ROBO1: variants seen among roughly 807,000 people sequenced by gnomAD.
ROBO1 encodes roundabout guidance receptor 1, also known as roundabout homolog 1.
A neutral mutation model predicts 195.9 loss-of-function variants in ROBO1; 149 were observed. The observed-to-expected ratio is 0.76, with a 90% CI of 0.67 to 0.87. ROBO1 has a LOEUF of 0.87. Ranked by LOEUF, ROBO1 falls within the 40% of genes least tolerant of loss-of-function variation. The probability of loss-of-function intolerance (pLI) is 0.00; values close to 1 mark genes in which losing one functional copy is unlikely to be tolerated. For synonymous variants in ROBO1, 816 were observed against 733.2 expected (o/e 1.11, Z -1.82); for missense variants, 1,933 against 2,068.3 (o/e 0.93, Z 1.27).
intron 3 of ROBO1, among the ~76,000 whole-genome samples, chr3:78,948,001 T>A (rs1379510143): frequency 6.6e-6 from 1 of 152,066 alleles, no homozygotes; most frequent in South Asian, 2.1e-4. Flanking sequence ...AATAGACCAA[T>A]AACAGGCTCT....
intron 10 of ROBO1, among the ~76,000 whole-genome samples, chr3:78,681,596 C>G (rs186149646): frequency 2.0e-5 from 3 of 152,124 alleles, no homozygotes; most frequent in Non-Finnish European, 4.4e-5. Context: ...GTGGAAACAA[C>G]GTGCAGAAGA....
intron 3 of ROBO1, among the ~76,000 whole-genome samples, chr3:79,099,315 C>G (rs2079631181): frequency 6.6e-6 from 1 of 151,530 alleles, no homozygotes. Flanking sequence ...CTTAACTATC[C>G]CAGAGGTGCA....
intron 1 of ROBO1, among the ~76,000 whole-genome samples, chr3:79,653,971 A>G (rs2106768588): frequency 6.6e-6 from 1 of 152,148 alleles, no homozygotes; most frequent in South Asian, 2.1e-4. Flanking sequence ...AAAAAATACA[A>G]AGCCTCTCTG....
chr3:78,958,645 A>T (rs2041167587), intron 3 of ROBO1, among the ~76,000 whole-genome samples: 1 of 152,104 alleles, frequency 6.6e-6, no homozygotes, highest in Non-Finnish European at 1.5e-5. Flanking sequence ...TTTATCGATG[A>T]CTTAGTAAGA....
At chr3:79,213,317 T>C (rs982056736) in intron 2 of ROBO1, among the ~76,000 whole-genome samples, 4 of 152,158 alleles carry the variant, frequency 2.6e-5, no homozygotes, top group Non-Finnish European at 4.4e-5. Context: ...CATATCCACA[T>C]ATTATTTTAT....
intron 2 of ROBO1, among the ~76,000 whole-genome samples, chr3:79,236,534 C>CT (rs2082410060): frequency 6.6e-6 from 1 of 152,032 alleles, no homozygotes; most frequent in Non-Finnish European, 1.5e-5. Context: ...AACTTAAAGT[C>CT]TTTTTGTACA....
intron 2 of ROBO1, among the ~76,000 whole-genome samples, chr3:79,483,825 G>A (rs1938998486): frequency 6.6e-6 from 1 of 152,066 alleles, no homozygotes; most frequent in Non-Finnish European, 1.5e-5. Context: ...GGGGTTGGGG[G>A]TGGGGGAACC....
chr3:79,311,958 AG>A (rs927746754), intron 2 of ROBO1, among the ~76,000 whole-genome samples: 3 of 152,234 alleles, frequency 2.0e-5, no homozygotes, highest in African/African-American at 7.2e-5. Flanking sequence ...CCTTCACTCC[AG>A]ATCCATGTAT....
At chr3:79,426,189 C>T (rs541425830) in intron 2 of ROBO1, among the ~76,000 whole-genome samples, 12 of 152,000 alleles carry the variant, frequency 7.9e-5, no homozygotes, top group Admixed American at 4.6e-4. Context: ...TGCATCAACA[C>T]CTGATAAAAA....
At chr3:79,390,193 C>A (rs183832167) in intron 2 of ROBO1, among the ~76,000 whole-genome samples, 8 of 151,956 alleles carry the variant, frequency 5.3e-5, no homozygotes, top group Admixed American at 5.2e-4. Flanking sequence ...TGAGAAGGAG[C>A]AGTGGGAAAA....
intron 1 of ROBO1, among the ~76,000 whole-genome samples, chr3:79,713,086 T>G (rs983463709): frequency 6.8e-6 from 1 of 147,930 alleles, no homozygotes; most frequent in Non-Finnish European, 1.5e-5. Context: ...ACCCCCCACT[T>G]GAGTATTTTA....
At chr3:78,808,706 A>C (rs2084628539) in intron 4 of ROBO1, among the ~76,000 whole-genome samples, 1 of 152,200 alleles carries the variant, frequency 6.6e-6, no homozygotes, top group African/African-American at 2.4e-5. Flanking sequence ...ATCTACAACC[A>C]TCTAATCTTT....
chr3:79,384,802 G>T (rs2036683506), intron 2 of ROBO1, among the ~76,000 whole-genome samples: 1 of 151,952 alleles, frequency 6.6e-6, no homozygotes, highest in Non-Finnish European at 1.5e-5. Context: ...TTACATGGGG[G>T]TAAACATTAT....
intron 2 of ROBO1, among the ~76,000 whole-genome samples, chr3:79,344,581 G>T (rs2035037118): frequency 6.6e-6 from 1 of 152,276 alleles, no homozygotes; most frequent in East Asian, 1.9e-4. Context: ...TGGTTTATGG[G>T]ATTACTAGTG....
intron 3 of ROBO1, among the ~76,000 whole-genome samples, chr3:79,059,243 G>T (rs573972760): frequency 6.6e-6 from 1 of 152,162 alleles, no homozygotes; most frequent in African/African-American, 2.4e-5. Flanking sequence ...CTAAATTAAA[G>T]AAACAAATTT....
chr3:79,687,031 G>T (rs1947137449), intron 1 of ROBO1, among the ~76,000 whole-genome samples: 1 of 152,060 alleles, frequency 6.6e-6, no homozygotes, highest in African/African-American at 2.4e-5. Context: ...ATAGACCAAT[G>T]GAACAGAACA....
At chr3:79,704,281 C>T (rs1947704310) in intron 1 of ROBO1, among the ~76,000 whole-genome samples, 1 of 151,862 alleles carries the variant, frequency 6.6e-6, no homozygotes, top group East Asian at 1.9e-4. Flanking sequence ...AGCATGAATC[C>T]ACCCTTGTAG....
chr3:79,764,757 T>C (rs1365069230), intron 1 of ROBO1, among the ~76,000 whole-genome samples: 1 of 152,228 alleles, frequency 6.6e-6, no homozygotes, highest in Non-Finnish European at 1.5e-5. Context: ...CCTTTTCATC[T>C]CTGGTCAATG....
At chr3:79,715,175 G>A (rs1411241691) in intron 1 of ROBO1, among the ~76,000 whole-genome samples, 1 of 151,992 alleles carries the variant, frequency 6.6e-6, no homozygotes, top group Admixed American at 6.6e-5. Context: ...TGACAACAAA[G>A]GATTTAAAAT....
Sources: gnomAD v4.1 joint callset for allele counts (sites outside exome capture counted in the v4.1 genomes callset) on GRCh38, gnomAD v4.1.1 for gene constraint, MANE v1.5 for transcripts, NCBI Gene and HGNC (gene_info 2026-07-23, HGNC 2026-07-21) for gene names.